SCAMP1: variants seen among roughly 807,000 people sequenced by gnomAD.
The protein encoded by SCAMP1 is secretory carrier-associated membrane protein 1.
Under a neutral mutation model 41.8 loss-of-function variants are expected in SCAMP1, and 15 were observed. The ratio of observed to expected loss-of-function variants is 0.36; its 90% CI spans 0.24 to 0.55. The LOEUF is 0.55. Ranked by LOEUF, SCAMP1 falls within the 20% of genes least tolerant of loss-of-function variation. The pLI, the probability that SCAMP1 is intolerant of heterozygous loss-of-function variation, is 0.86. For missense variants in SCAMP1, 341 were observed against 412.6 expected (o/e 0.83, Z 1.50); for synonymous variants, 135 against 136.8 (o/e 0.99, Z 0.09).
At chr5:78,468,769 C>T (rs983100985) in intron 8 of SCAMP1, among the ~76,000 whole-genome samples, 3 of 152,142 alleles carry the variant, frequency 2.0e-5, no homozygotes, top group African/African-American at 4.8e-5. Flanking sequence ...TTTGTGGGAG[C>T]GCTGAATTGG....
At position 78,438,239 on chromosome 5, in the gene SCAMP1, T is replaced by C. The variant is rs528338515; in HGVS notation, c.633-11694T>C. Among the ~76,000 whole-genome samples the C allele has an allele frequency of 1.6e-4, 25 of 152,336 alleles. No homozygotes were observed. In the South Asian group the frequency reaches 5.0e-3, roughly 30 times the overall value. On this transcript the variant is annotated intron_variant, in intron 6 of 8. Transcript: ENST00000621999. ...TCAGTTCTGCTCTGATCTTAGTTAT[T>C]TCTTGCTTTCTGCTAGCTTTTGAAT...
chr5:78,440,306 G>A (rs1752886381), intron 6 of SCAMP1, among the ~76,000 whole-genome samples: 1 of 152,160 alleles, frequency 6.6e-6, no homozygotes, highest in South Asian at 2.1e-4. Flanking sequence ...AGAATTTTCA[G>A]CTTTTCTGCT....
chr5:78,423,014 GCGCACACACACACACA>G (rs1561269829), intron 6 of SCAMP1, among the ~76,000 whole-genome samples: 2 of 9,716 alleles, frequency 2.1e-4, no homozygotes, highest in African/African-American at 1.6e-3. Context: ...ACACGCGCGC[GCGCACACACACACACA>G]CACACACACA....
chr5:78,431,673 G>C (rs1242971150), intron 6 of SCAMP1, among the ~76,000 whole-genome samples: 16 of 150,168 alleles, frequency 1.1e-4, no homozygotes, highest in Non-Finnish European at 2.1e-4. Flanking sequence ...CATAGTCTCT[G>C]TATTCAAATA....
At position 78,477,659 on chromosome 5, in the gene SCAMP1, AG is replaced by A. The variant is rs1754036418; in HGVS notation, c.*1993del. ...GTTTATATTATGTAGAAATCTTCAAAGGTAGCATTATTAAATAGCAAAGAAT... is the reference window on the plus strand; with the variant it reads ...GTTTATATTATGTAGAAATCTTCAAAGTAGCATTATTAAATAGCAAAGAAT... On this transcript the variant is annotated 3_prime_UTR_variant, in exon 9 of 9. Coordinates refer to ENST00000621999, the MANE Select transcript of SCAMP1 (RefSeq NM_004866.6). 6.6e-6 allele frequency: 1 copy of A among 152,186 alleles called. No individual in the cohort carries two copies. Among genetic ancestry groups the A allele is most frequent in the Non-Finnish European group, 1.5e-5 (1 of 67,982 alleles). The allele number at this position is 152,186 out of a possible 1,614,324, so 9.4% of individuals were successfully genotyped here.
At chr5:78,406,822 A>T (rs1002053090) in intron 2 of SCAMP1, among the ~76,000 whole-genome samples, 2 of 152,152 alleles carry the variant, frequency 1.3e-5, no homozygotes, top group African/African-American at 4.8e-5. Context: ...CATCCATGGG[A>T]TGAGGATATA....
intron 5 of SCAMP1, among the ~76,000 whole-genome samples, chr5:78,421,533 G>A (rs898548209): frequency 3.3e-5 from 5 of 152,082 alleles, no homozygotes; most frequent in Non-Finnish European, 7.3e-5. Flanking sequence ...GTGCGCCTCT[G>A]GTTTAGCTAC....
intron 5 of SCAMP1, among the ~76,000 whole-genome samples, chr5:78,421,210 A>G (rs1358078755): frequency 6.6e-6 from 1 of 152,194 alleles, no homozygotes; most frequent in Non-Finnish European, 1.5e-5. Context: ...AAAATGTATC[A>G]TGTTGTGTGG....
At chr5:78,460,529 G>A (rs1410854518) in intron 8 of SCAMP1, among the ~76,000 whole-genome samples, 1 of 151,750 alleles carries the variant, frequency 6.6e-6, no homozygotes, top group East Asian at 1.9e-4. Context: ...TCCATTTGTT[G>A]GCTGCTTGTA....
chr5:78,479,995 G>A lies in SCAMP1; in HGVS notation c.*4327G>A, dbSNP rs929200818. Among the ~76,000 whole-genome samples, 6 of 151,270 alleles carry A rather than the reference G, an allele frequency of 4.0e-5. No individual in the cohort carries two copies. The highest frequency in any genetic ancestry group is 3.9e-4 in the East Asian group (2 of 5,152). On this transcript the variant is annotated 3_prime_UTR_variant, in exon 9 of 9. Coordinates refer to ENST00000621999, the MANE Select transcript of SCAMP1 (RefSeq NM_004866.6). ...TGGGAGGCGGAGCTTGCAGTGAGCC[G>A]AGATCTCTCCACTGCACTCCAGCCT...
chr5:78,441,874 A>G (rs995956965), intron 6 of SCAMP1, among the ~76,000 whole-genome samples: 2 of 152,194 alleles, frequency 1.3e-5, no homozygotes, highest in Non-Finnish European at 2.9e-5. Context: ...TCATGTGTAT[A>G]ATCCCAGCAT....
At chr5:78,419,769 ATT>A (rs1419035407) in intron 5 of SCAMP1, among the ~76,000 whole-genome samples, 2 of 152,160 alleles carry the variant, frequency 1.3e-5, no homozygotes, top group African/African-American at 4.8e-5. Flanking sequence ...GGATGAGATA[ATT>A]TTCCTTAAAA....
intron 6 of SCAMP1, among the ~76,000 whole-genome samples, chr5:78,435,309 A>G (rs1580693007): frequency 6.6e-6 from 1 of 152,320 alleles, no homozygotes; most frequent in Middle Eastern, 3.4e-3. Context: ...ATAAGTATAC[A>G]TGTGCCATGT....
At chr5:78,445,092 C>G (rs930035192) in intron 6 of SCAMP1, among the ~76,000 whole-genome samples, 3 of 152,170 alleles carry the variant, frequency 2.0e-5, no homozygotes, top group African/African-American at 4.8e-5. Context: ...TAATGAAATA[C>G]TTTGTCTTTT....
Position 78,469,890 on chromosome 5 carries a change from T to TAAAAAAA in SCAMP1, c.853-5598_853-5592dup, listed in dbSNP as rs141989832. 3.3e-3 allele frequency among the ~76,000 whole-genome samples: 49 copies of TAAAAAAA among 14,962 alleles called. 1 individual carries two copies. The highest frequency in any genetic ancestry group is 5.6e-3 in the South Asian group (1 of 180). The allele number at this position is 14,962 out of a possible 152,430, so 9.8% of individuals were successfully genotyped here. A position where few individuals can be genotyped will look rare whatever the true frequency, so the allele number is the denominator to read the frequency against. On this transcript the variant is annotated intron_variant, in intron 8 of 8. Coordinates refer to ENST00000621999, the MANE Select transcript of SCAMP1 (RefSeq NM_004866.6). ...TACCCTCCAACCCCTTACAAGACAT[T>TAAAAAAA]AAAAAAAAAAAAAAAAAAAAAACAA...
At chr5:78,370,070 C>T (rs1750905309) in intron 1 of SCAMP1, among the ~76,000 whole-genome samples, 1 of 152,188 alleles carries the variant, frequency 6.6e-6, no homozygotes, top group South Asian at 2.1e-4. Flanking sequence ...TCTGTGAAAC[C>T]TGGCGTTCTT....
chr5:78,412,303 C>T (rs1752098843), intron 2 of SCAMP1, among the ~76,000 whole-genome samples: 1 of 151,714 alleles, frequency 6.6e-6, no homozygotes, highest in South Asian at 2.1e-4. Flanking sequence ...AATGACTTTT[C>T]TTCACGCCAA....
At position 78,480,584 on chromosome 5, in the gene SCAMP1, G is replaced by A. The variant is rs1033845324; in HGVS notation, c.*4916G>A. On this transcript the variant is annotated 3_prime_UTR_variant, in exon 9 of 9. Transcript: ENST00000621999. The stretch of plus-strand genomic sequence containing the variant: ...TCTGGTGATCACTGTGGTATCTACA[G>A]TATTCTAGTCTCCTGCACAAAAACT... 1.3e-5 allele frequency among the ~76,000 whole-genome samples: 2 copies of A among 152,164 alleles called. No individual in the cohort carries two copies. The highest frequency in any genetic ancestry group is 2.9e-5 in the Non-Finnish European group (2 of 68,028).
At chr5:78,380,649 T>C (rs921987044) in intron 1 of SCAMP1, among the ~76,000 whole-genome samples, 1 of 152,248 alleles carries the variant, frequency 6.6e-6, no homozygotes, top group African/African-American at 2.4e-5. Flanking sequence ...GAAGAATTAC[T>C]CTTTGGGTAT....
Sources: allele counts gnomAD v4.1 joint callset (sites outside exome capture counted in the v4.1 genomes callset), GRCh38; gene constraint gnomAD v4.1.1; transcripts MANE v1.5; gene names NCBI Gene and HGNC (gene_info 2026-07-23, HGNC 2026-07-21).